CDK17: variants seen among roughly 807,000 people sequenced by gnomAD.
CDK17 encodes cyclin dependent kinase 17, also known as cyclin-dependent kinase 17.
A neutral mutation model predicts 77.6 loss-of-function variants in CDK17; 24 were observed. The ratio of observed to expected loss-of-function variants is 0.31; its 90% CI spans 0.22 to 0.44. CDK17 has a LOEUF of 0.44. Among genes scored for constraint, CDK17 ranks in the 20% least tolerant of loss-of-function variants. CDK17 has a pLI of 1.00. For synonymous variants in CDK17, 203 were observed against 210.4 expected, an observed-to-expected ratio of 0.96 and a Z score of 0.30; for missense variants, 429 against 622.5, an observed-to-expected ratio of 0.69 and a Z score of 3.31.
chr12:96,340,420 C>A (rs890112745), intron 1 of CDK17, among the ~76,000 whole-genome samples: 3 of 152,006 alleles, frequency 2.0e-5, no homozygotes, highest in African/African-American at 2.4e-5. Flanking sequence ...CAAATAAAAT[C>A]ACATCTTCAA....
At chr12:96,282,670 T>C (rs1036078580) in intron 14 of CDK17, 71 bp from the exon 15 acceptor site, 9 of 921,244 alleles carry the variant, frequency 9.8e-6, no homozygotes, top group Non-Finnish European at 1.6e-5. Flanking sequence ...GATGGGCAAA[T>C]TAGCATTTAG....
chr12:96,309,818 AAAAT>A (rs1357233873), intron 5 of CDK17, among the ~76,000 whole-genome samples: 3 of 152,234 alleles, frequency 2.0e-5, no homozygotes, highest in African/African-American at 7.2e-5. Flanking sequence ...TAGAAAACTT[AAAAT>A]AATAATTTTT....
intron 2 of CDK17, among the ~76,000 whole-genome samples, chr12:96,326,859 C>T (rs1358547530): frequency 1.3e-5 from 2 of 152,190 alleles, no homozygotes; most frequent in Non-Finnish European, 2.9e-5. Flanking sequence ...GGGAACAAGT[C>T]ATTCAACACT....
intron 1 of CDK17, among the ~76,000 whole-genome samples, chr12:96,394,245 CAA>C (rs71097287): frequency 7.5e-6 from 1 of 134,090 alleles, no homozygotes. Context: ...GACTCCATCT[CAA>C]AAAAAAAAAA....
rs574013798 is a variant in CDK17 at position 96,393,462 on chromosome 12, G to A, written c.-30+6524C>T. Among the ~76,000 whole-genome samples, 23 of 151,448 alleles carry A rather than the reference G, an allele frequency of 1.5e-4. No homozygotes were observed. The East Asian group carries it at 3.9e-3, about 26-fold the overall frequency. On this transcript the variant is annotated intron_variant, in intron 1 of 16. Transcript: ENST00000261211. ...AGAATCAGTAAAAAATCTGGGCACAGTGGCTCACACCTGTAATTCCAGCAC... is the reference window on the plus strand; with the variant it reads ...AGAATCAGTAAAAAATCTGGGCACAATGGCTCACACCTGTAATTCCAGCAC...
intron 3 of CDK17, among the ~76,000 whole-genome samples, chr12:96,323,614 T>C (rs2165238): frequency 0.87 from 131,986 of 152,228 alleles, 57,186 homozygotes; most frequent in African/African-American, 0.87. Flanking sequence ...CTATTCATTA[T>C]AATAGGCTTT....
At chr12:96,316,524 C>T (rs1952722171) in intron 3 of CDK17, among the ~76,000 whole-genome samples, 1 of 149,354 alleles carries the variant, frequency 6.7e-6, no homozygotes, top group Admixed American at 6.7e-5. Flanking sequence ...AACAAAAAGA[C>T]AGCAGGAACC....
chr12:96,300,265 GA>G, intron 6 of CDK17, 38 bp downstream of exon 6: 5 of 1,382,598 alleles, frequency 3.6e-6, no homozygotes, highest in Non-Finnish European at 5.1e-6. Flanking sequence ...TGACGAATAA[GA>G]AAAAAATGTG....
chr12:96,312,487 G>A (rs1486951207), intron 4 of CDK17, among the ~76,000 whole-genome samples: 3 of 151,932 alleles, frequency 2.0e-5, no homozygotes, highest in Non-Finnish European at 2.9e-5. Flanking sequence ...TAAATATATC[G>A]TTGATTTCAA....
At position 96,333,992 on chromosome 12, in the gene CDK17, A is replaced by G. The variant is rs114421653; in HGVS notation, c.118+727T>C. ...CCTTTTCCTCTCTCAAAACATAAGT[A>G]TGTGCATTCTAGTGGAAGGGGTAAG... is the stretch of plus-strand genomic sequence containing the variant. On this transcript the variant is annotated intron_variant, in intron 2 of 16. Transcript: ENST00000261211. 3.5e-3 allele frequency among the ~76,000 whole-genome samples: 533 copies of G among 152,330 alleles called. 2 individuals carry two copies. The highest frequency in any genetic ancestry group is 0.011 in the African/African-American group (457 of 41,586).
chr12:96,297,528 C>T, intron 8 of CDK17, 99 bp downstream of exon 8: 2 of 893,184 alleles, frequency 2.2e-6, no homozygotes, highest in South Asian at 3.0e-5. Flanking sequence ...TAGCTAAGCA[C>T]AGCTGCAGTT....
rs565031474 is a variant in CDK17 at position 96,374,617 on chromosome 12, A to G, written c.-30+25369T>C. ...GGCAAATTCTTATACTTCCTTTATA[A>G]ATTTAGTCAAATGCCCCTTCTTCCT... is the stretch of plus-strand genomic sequence containing the variant. On this transcript the variant is annotated intron_variant, in intron 1 of 16. Transcript: ENST00000261211. 2.0e-5 allele frequency among the ~76,000 whole-genome samples: 3 copies of G among 152,318 alleles called. No individual in the cohort carries two copies. In the South Asian group the frequency reaches 6.2e-4, roughly 32 times the overall value.
Position 96,289,147 on chromosome 12 carries a change from T to C in CDK17, c.1118+20A>G, listed in dbSNP as rs1415025774. 3 of 1,612,270 alleles carry C rather than the reference T, an allele frequency of 1.9e-6. No homozygotes were observed. The highest frequency in any genetic ancestry group is 3.3e-5 in the Admixed American group (2 of 59,974). On this transcript the variant is annotated intron_variant, in intron 11 of 16. Coordinates refer to ENST00000261211, the MANE Select transcript of CDK17 (RefSeq NM_002595.5). ...ATTCTTTCAAAATTATAAATGTCAG[T>C]GACATCTGTATATATTTACCACATG... is the stretch of plus-strand genomic sequence containing the variant.
At chr12:96,280,555 T>TA (rs1952163534) in intron 16 of CDK17, 4 of 1,412,384 alleles carry the variant, frequency 2.8e-6, no homozygotes, top group Non-Finnish European at 3.7e-6. Flanking sequence ...AGGTCACTTG[T>TA]AAAAGGTCTT....
At position 96,368,539 on chromosome 12, in the gene CDK17, C is replaced by T. The variant is rs554473118; in HGVS notation, c.-30+31447G>A. Among the ~76,000 whole-genome samples, 32 of 152,260 alleles carry T rather than the reference C, an allele frequency of 2.1e-4. No individual in the cohort carries two copies. In the South Asian group the frequency reaches 6.6e-3, roughly 32 times the overall value. ...GAGCCCTCTCTGGGCACCGTGCCTC[C>T]TAAAATTTGAGCACAGGCCAATCTT... On this transcript the variant is annotated intron_variant, in intron 1 of 16. Transcript: ENST00000261211.
chr12:96,304,452 G>A (rs1170348109), intron 5 of CDK17, among the ~76,000 whole-genome samples: 1 of 152,094 alleles, frequency 6.6e-6, no homozygotes, highest in African/African-American at 2.4e-5. Context: ...CAGAAGAATC[G>A]CTTGAACCCA....
chr12:96,374,217 T>C (rs558973668), intron 1 of CDK17, among the ~76,000 whole-genome samples: 1 of 152,338 alleles, frequency 6.6e-6, no homozygotes, highest in African/African-American at 2.4e-5. Flanking sequence ...TATGAAAATA[T>C]TATCAAATTC....
At chr12:96,322,220 C>CTCTCTGCTGA (rs1295073197) in intron 3 of CDK17, among the ~76,000 whole-genome samples, 1 of 152,130 alleles carries the variant, frequency 6.6e-6, no homozygotes, top group African/African-American at 2.4e-5. Context: ...AGAGGGATAT[C>CTCTCTGCTGA]TCTCTGCTGA....
At chr12:96,297,365 AC>A in intron 8 of CDK17, 33 bp from the exon 9 acceptor site, 1 of 1,410,634 alleles carries the variant, frequency 7.1e-7, no homozygotes, top group Non-Finnish European at 9.9e-7. Context: ...TATGTGATAC[AC>A]CATTTTCAGA....
Sources: allele counts gnomAD v4.1 joint callset (sites outside exome capture counted in the v4.1 genomes callset), GRCh38; gene constraint gnomAD v4.1.1; transcripts MANE v1.5; gene names NCBI Gene and HGNC (gene_info 2026-07-23, HGNC 2026-07-21).